HLCS: variants seen among roughly 807,000 people sequenced by gnomAD.
HLCS encodes holocarboxylase synthetase, also known as biotin--protein ligase.
A neutral mutation model predicts 75.0 loss-of-function variants in HLCS; 53 were observed. That is an observed-to-expected ratio of 0.71 (90% CI 0.57 to 0.89). The LOEUF is 0.89. Ranked by LOEUF, HLCS falls within the 40% of genes least tolerant of loss-of-function variation. The pLI is 0.00. For missense variants in HLCS, 966 were observed against 1,074.0 expected (o/e 0.90, Z 1.41); for synonymous variants, 431 against 428.6 (o/e 1.01, Z -0.07).
chr21:36,947,817 C>A (rs773345502), intron 2 of HLCS: 35 of 985,474 alleles, frequency 3.6e-5, no homozygotes, highest in Non-Finnish European at 4.2e-5. Flanking sequence ...AGCAGCTCTG[C>A]AGTGAGTGGG....
At chr21:36,840,101 G>A (rs1400877323) in intron 6 of HLCS, among the ~76,000 whole-genome samples, 1 of 152,064 alleles carries the variant, frequency 6.6e-6, no homozygotes, top group Non-Finnish European at 1.5e-5. Context: ...AAGCATGTGT[G>A]GATTTCTTTG....
intron 6 of HLCS, among the ~76,000 whole-genome samples, chr21:36,791,021 T>C (rs8132225): frequency 0.93 from 141,225 of 152,306 alleles, 65,643 homozygotes; most frequent in East Asian, 1. Flanking sequence ...GGGGTGCCTT[T>C]GTTTGAGCTT....
Position 36,930,274 on chromosome 21 carries a change from G to A in HLCS, c.1597C>T (p.Leu533Phe). 1 of 1,614,236 alleles carries A rather than the reference G, an allele frequency of 6.2e-7. No individual in the cohort carries two copies. Among genetic ancestry groups the A allele is most frequent in the Non-Finnish European group, 8.5e-7 (1 of 1,180,040 alleles). Residue 533 changes from leucine to phenylalanine, a missense_variant, in exon 5 of 11, where the codon CTT becomes TTT. Leu to Phe is a conservative substitution (Grantham distance 22, BLOSUM62 0). Transcript: ENST00000674895. ...ACCTCCGCAGCTGACAGCAAGTAAA[G>A]AGGAGTTAAGGCAGGAACTTGTTTC... ...DMKQVPALTP[L>F]YLLSAAEEIR...
chr21:36,823,739 A>C (rs1450004304), intron 6 of HLCS, among the ~76,000 whole-genome samples: 2 of 151,892 alleles, frequency 1.3e-5, no homozygotes, highest in Non-Finnish European at 2.9e-5. Context: ...CACCTGTGTA[A>C]ATTAGACACA....
chr21:36,938,854 T>C lies in HLCS; in HGVS notation c.471A>G (p.Gly157=). 6.2e-7 allele frequency: 1 copy of C among 1,614,096 alleles called. No individual in the cohort carries two copies. Among genetic ancestry groups the C allele is most frequent in the Non-Finnish European group, 8.5e-7 (1 of 1,180,022 alleles). ...FMEDRLHMDN[G]LVPQKIVSVH... ...TACACACAATCTTTTGGGGTACCAG[T>C]CCATTATCCATGTGGAGTCTATCTT... Residue 157 remains glycine (G), a synonymous_variant, in exon 3 of 11, where the codon GGA becomes GGG. Coordinates refer to ENST00000674895, the MANE Select transcript of HLCS (RefSeq NM_001352514.2).
chr21:36,780,964 G>C (rs2060512132), intron 6 of HLCS, among the ~76,000 whole-genome samples: 1 of 121,704 alleles, frequency 8.2e-6, no homozygotes, highest in Non-Finnish European at 1.6e-5. Context: ...CACAGCAGGA[G>C]GTGAGAAGCA....
intron 6 of HLCS, among the ~76,000 whole-genome samples, chr21:36,881,463 G>A (rs2064211932): frequency 6.6e-6 from 1 of 152,202 alleles, no homozygotes; most frequent in African/African-American, 2.4e-5. Context: ...GTGGGAAGCT[G>A]GGAAGCACGG....
chr21:36,894,349 T>C (rs2064922787), intron 6 of HLCS, among the ~76,000 whole-genome samples: 1 of 152,218 alleles, frequency 6.6e-6, no homozygotes, highest in African/African-American at 2.4e-5. Context: ...TAGGATCAAA[T>C]ATAGTTTTAG....
At chr21:36,895,768 A>G (rs2064988414) in intron 6 of HLCS, among the ~76,000 whole-genome samples, 1 of 152,228 alleles carries the variant, frequency 6.6e-6, no homozygotes, top group Non-Finnish European at 1.5e-5. Context: ...ATGTGGTCCC[A>G]TGAGTGAAAT....
chr21:36,834,208 T>G (rs2062321850), intron 6 of HLCS, among the ~76,000 whole-genome samples: 1 of 152,210 alleles, frequency 6.6e-6, no homozygotes, highest in Admixed American at 6.5e-5. Flanking sequence ...CTGCAGCTCT[T>G]CATGAATACT....
Position 36,849,929 on chromosome 21 carries a change from T to C in HLCS, c.1892+46931A>G, listed in dbSNP as rs557726515. On this transcript the variant is annotated intron_variant, in intron 6 of 10. Transcript: ENST00000674895. ...TCAGCATGGATGCACGCCTTATCTA[T>C]GAGAAAGCTCCTCTGCTTCCTCTCC... is the stretch of plus-strand genomic sequence containing the variant. 3.9e-5 allele frequency among the ~76,000 whole-genome samples: 6 copies of C among 152,316 alleles called. No homozygotes were observed. In the South Asian group the frequency reaches 1.0e-3, roughly 26 times the overall value.
intron 5 of HLCS, among the ~76,000 whole-genome samples, chr21:36,913,500 G>A (rs549565756): frequency 5.3e-5 from 8 of 152,164 alleles, no homozygotes; most frequent in South Asian, 2.1e-4. Flanking sequence ...GGTGGCTCAC[G>A]CTGTAATCCC....
rs1484904100 is a variant in HLCS at position 36,895,851 on chromosome 21, G to GCAC, written c.1892+1006_1892+1008dup. Among the ~76,000 whole-genome samples, 4 of 152,112 alleles carry GCAC rather than the reference G, an allele frequency of 2.6e-5. No homozygotes were observed. The South Asian group carries it at 6.2e-4, about 24-fold the overall frequency. On this transcript the variant is annotated intron_variant, in intron 6 of 10. Transcript: ENST00000674895. ...AATTTTAACACCGCACTGAGGGAAG[G>GCAC]CACTTTTGTTATTCCCTCCCTCTAT...
intron 5 of HLCS, among the ~76,000 whole-genome samples, chr21:36,898,446 CAAAAAAAAAA>C (rs58625493): frequency 2.0e-5 from 1 of 49,538 alleles, no homozygotes; most frequent in African/African-American, 8.7e-5. Flanking sequence ...AACTCCATCT[CAAAAAAAAAA>C]AAAAAAAAAA....
intron 1 of HLCS, among the ~76,000 whole-genome samples, chr21:36,979,170 G>A (rs953610316): frequency 3.3e-5 from 5 of 151,834 alleles, no homozygotes; most frequent in African/African-American, 1.2e-4. Flanking sequence ...TACTGGGGAG[G>A]CTGAGGCAGG....
intron 6 of HLCS, among the ~76,000 whole-genome samples, chr21:36,855,184 T>C (rs189685756): frequency 3.4e-4 from 52 of 152,308 alleles, no homozygotes; most frequent in African/African-American, 1.2e-3. Context: ...TTTATTTCTA[T>C]ATTGGTTTTT....
Position 36,767,208 on chromosome 21 carries a change from G to A in HLCS, c.1960+10C>T. 6.2e-7 allele frequency: 1 copy of A among 1,613,710 alleles called. No homozygotes were observed. The highest frequency in any genetic ancestry group is 8.5e-7 in the Non-Finnish European group (1 of 1,179,604). ...AGAAGTAACAGCAATGATCACAAAA[G>A]ATGACTGACCTTTGCCCTCGGTCTG... On this transcript the variant is annotated intron_variant, in intron 7 of 10. Coordinates refer to ENST00000674895, the MANE Select transcript of HLCS (RefSeq NM_001352514.2).
intron 5 of HLCS, among the ~76,000 whole-genome samples, chr21:36,903,633 G>A (rs1396878366): frequency 6.6e-6 from 1 of 152,160 alleles, no homozygotes; most frequent in Non-Finnish European, 1.5e-5. Flanking sequence ...AGAACTTTCA[G>A]AACAGGAATA....
chr21:36,783,497 C>T (rs1346220655), intron 6 of HLCS, among the ~76,000 whole-genome samples: 1 of 152,080 alleles, frequency 6.6e-6, no homozygotes, highest in Non-Finnish European at 1.5e-5. Flanking sequence ...TTTACTAGGA[C>T]GGCACAACAA....
Sources: allele counts gnomAD v4.1 joint callset (sites outside exome capture counted in the v4.1 genomes callset), GRCh38; gene constraint gnomAD v4.1.1; transcripts MANE v1.5; gene names NCBI Gene and HGNC (gene_info 2026-07-23, HGNC 2026-07-21).